Variants in SLC4A5 observed in about 807,000 individuals in gnomAD.
The protein encoded by SLC4A5 is solute carrier family 4 member 5, also known as electrogenic sodium bicarbonate cotransporter 4.
In SLC4A5, 96 loss-of-function variants were observed where a neutral mutation model predicts 120.4. That is an observed-to-expected ratio of 0.80 (90% confidence interval 0.68 to 0.94). The LOEUF is 0.94. SLC4A5 is among the 40% of genes least tolerant of loss of function. The pLI is 0.00. For missense variants in SLC4A5, 1,259 were observed against 1,459.5 expected (o/e 0.86, Z 2.24); for synonymous variants, 550 against 571.1 (o/e 0.96, Z 0.53).
intron 7 of SLC4A5, among the ~76,000 whole-genome samples, chr2:74,300,127 C>T (rs537590311): frequency 1.5e-4 from 23 of 152,290 alleles, no homozygotes; most frequent in Admixed American, 1.4e-3. Context: ...AGAACTATTG[C>T]ATGTTCTCAT....
intron 21 of SLC4A5, 46 bp from the exon 22 acceptor site, chr2:74,235,260 A>G (rs759530057): frequency 6.7e-7 from 1 of 1,485,322 alleles, no homozygotes; most frequent in East Asian, 2.3e-5. Context: ...TAAAGCACCC[A>G]CCCAGCTCCA....
intron 19 of SLC4A5, among the ~76,000 whole-genome samples, chr2:74,243,845 G>C (rs1189420107): frequency 1.3e-5 from 2 of 152,218 alleles, no homozygotes; most frequent in Non-Finnish European, 2.9e-5. Context: ...TAAAATTCCA[G>C]TGTTTACAAA....
At chr2:74,223,007 C>CTTTTTTT in intron 28 of SLC4A5, 55 bp from the exon 29 acceptor site, 1 of 920,802 alleles carries the variant, frequency 1.1e-6, no homozygotes, top group Non-Finnish European at 1.6e-6. Flanking sequence ...ATTTGGCTTT[C>CTTTTTTT]TTTTTTTTTT....
At chr2:74,309,656 A>AT (rs201372695) in intron 6 of SLC4A5, among the ~76,000 whole-genome samples, 2,209 of 141,666 alleles carry the variant, frequency 0.016, 47 homozygotes, top group African/African-American at 0.046. Context: ...TGAACATGAA[A>AT]TTTTTTTTTT....
rs1247440969 is a variant in SLC4A5 at position 74,285,916 on chromosome 2, G to A, written c.272-14C>T. ...CAGCTGGGGACCCTGCAAAAGAGGGGCAGCAGGTCTGCTGAGTGTCCCATG... is the reference window on the plus strand; with the variant it reads ...CAGCTGGGGACCCTGCAAAAGAGGGACAGCAGGTCTGCTGAGTGTCCCATG... On this transcript the variant is annotated splice_polypyrimidine_tract_variant and intron_variant, in intron 7 of 30. Transcript: ENST00000394019. 1 of 1,580,650 alleles carries A rather than the reference G, an allele frequency of 6.3e-7. No homozygotes were observed. Among genetic ancestry groups the A allele is most frequent in the Admixed American group, 1.8e-5 (1 of 55,112 alleles).
chr2:74,274,023 G>C (rs1671560279), intron 8 of SLC4A5, among the ~76,000 whole-genome samples: 2 of 152,242 alleles, frequency 1.3e-5, no homozygotes, highest in South Asian at 4.1e-4. Context: ...AGATTAGCCA[G>C]GCGTGGTTGT....
intron 6 of SLC4A5, among the ~76,000 whole-genome samples, chr2:74,308,267 G>C (rs72903259): frequency 0.033 from 4,951 of 152,242 alleles, 280 homozygotes; most frequent in African/African-American, 0.11. Flanking sequence ...TGGTTCGGAC[G>C]ACAAGACTAT....
intron 15 of SLC4A5, 58 bp downstream of exon 15, chr2:74,252,913 AATG>A: frequency 1.9e-6 from 3 of 1,578,506 alleles, no homozygotes; most frequent in Non-Finnish European, 2.6e-6. Context: ...AGAGAAATAA[AATG>A]ATACCGACAG....
chr2:74,255,994 C>G lies in SLC4A5; in HGVS notation c.868-62G>C. The G allele has an allele frequency of 6.4e-7, 1 of 1,573,502 alleles. No individual in the cohort carries two copies. The highest frequency in any genetic ancestry group is 1.7e-5 in the Admixed American group (1 of 57,452). ...TCCCACCTGCTCTCACTCCCTCACTCCCCTTCAGACTGCTTTGAGGCCTAA... is the reference window on the plus strand; with the variant it reads ...TCCCACCTGCTCTCACTCCCTCACTGCCCTTCAGACTGCTTTGAGGCCTAA... On this transcript the variant is annotated intron_variant, in intron 12 of 30. Coordinates refer to ENST00000394019, the Ensembl canonical transcript of SLC4A5. The surrounding 1 kb of genome is among the most constrained non-coding windows in gnomAD (Gnocchi z 4.0).
Position 74,266,624 on chromosome 2 carries a change from G to C in SLC4A5, c.402-1360C>G, listed in dbSNP as rs562423968. ...TTAAAAGACAACCAACCTAAAAATA[G>C]AAAGTTAAATCCCTACTTTTCACCA... On this transcript the variant is annotated intron_variant, in intron 8 of 30. Transcript: ENST00000394019. 1.3e-5 allele frequency among the ~76,000 whole-genome samples: 2 copies of C among 152,228 alleles called. 1 individual carries two copies. The highest frequency in any genetic ancestry group is 3.9e-4 in the East Asian group (2 of 5,182).
At chr2:74,316,576 T>C (rs1672972296) in intron 5 of SLC4A5, among the ~76,000 whole-genome samples, 1 of 152,248 alleles carries the variant, frequency 6.6e-6, no homozygotes, top group South Asian at 2.1e-4. Context: ...TTTATGGCAA[T>C]AAGGTACCAA....
rs529432697 is a variant in SLC4A5 at position 74,336,540 on chromosome 2, T to C, written c.-221+2315A>G. On this transcript the variant is annotated intron_variant, in intron 3 of 30. Coordinates refer to ENST00000394019, the Ensembl canonical transcript of SLC4A5. ...TGAGTATTAAATGAGGTAACATACATGAAACATTGAGAGCAGTGCTTGGCA... is the reference window on the plus strand; with the variant it reads ...TGAGTATTAAATGAGGTAACATACACGAAACATTGAGAGCAGTGCTTGGCA... Among the ~76,000 whole-genome samples the C allele has an allele frequency of 1.8e-4, 27 of 152,276 alleles. No individual in the cohort carries two copies. In the South Asian group the frequency reaches 5.0e-3, roughly 28 times the overall value.
In SLC4A5 at chr2:74,255,936, G is replaced by C; in HGVS notation, c.868-4C>G. 1 of 1,613,092 alleles carries C rather than the reference G, an allele frequency of 6.2e-7. No individual in the cohort carries two copies. Among genetic ancestry groups the C allele is most frequent in the Non-Finnish European group, 8.5e-7 (1 of 1,179,158 alleles). On this transcript the variant is annotated splice_polypyrimidine_tract_variant and splice_region_variant and intron_variant, in intron 12 of 30. Coordinates refer to ENST00000394019, the Ensembl canonical transcript of SLC4A5. This position sits in a 1 kb window ranked among gnomAD's most constrained non-coding sequence, Gnocchi z 4.0. ...TCTTCATGAATTTGTTTTTCCGCTG[G>C]ACAGGGAGGGGAAACGAGATAGCCA...
At chr2:74,329,177 T>G (rs1339615993) in intron 4 of SLC4A5, among the ~76,000 whole-genome samples, 1 of 152,138 alleles carries the variant, frequency 6.6e-6, no homozygotes, top group African/African-American at 2.4e-5. Flanking sequence ...GCAATGTAGA[T>G]GAAGGTGTAA....
In SLC4A5 at chr2:74,333,784, C is replaced by G. The variant is rs193163915; in HGVS notation, c.-70+243G>C. 1.1e-4 allele frequency among the ~76,000 whole-genome samples: 17 copies of G among 152,308 alleles called. No individual in the cohort carries two copies. The East Asian group carries it at 3.3e-3, about 29-fold the overall frequency. ...CTCACTGGGACGGATTCCCTTCCAT[C>G]TCCTGGCTAAATGCCATCTGAACCC... On this transcript the variant is annotated intron_variant, in intron 4 of 30. Coordinates refer to ENST00000394019, the Ensembl canonical transcript of SLC4A5.
intron 6 of SLC4A5, among the ~76,000 whole-genome samples, chr2:74,313,481 G>C (rs116608393): frequency 0.012 from 1,800 of 152,298 alleles, 45 homozygotes; most frequent in African/African-American, 0.041. Context: ...CTAGGGGTCA[G>C]GTTACTTGGA....
intron 7 of SLC4A5, among the ~76,000 whole-genome samples, chr2:74,302,249 A>C (rs1455287252): frequency 2.0e-5 from 3 of 152,164 alleles, no homozygotes; most frequent in Admixed American, 1.3e-4. Context: ...CCTGTCGGGA[A>C]CAAGCCAGTA....
At chr2:74,264,103 T>C in intron 10 of SLC4A5, 44 bp downstream of exon 10, 2 of 1,590,510 alleles carry the variant, frequency 1.3e-6, no homozygotes, top group East Asian at 2.2e-5. Flanking sequence ...GGCCTGATAC[T>C]GGCCCTGCAT....
chr2:74,264,688 C>A (rs1007920268), intron 9 of SLC4A5, among the ~76,000 whole-genome samples: 4 of 152,108 alleles, frequency 2.6e-5, no homozygotes, highest in African/African-American at 9.7e-5. Context: ...TGTGCTAGAA[C>A]AAAACTCACA....
Sources: gnomAD v4.1 joint callset for allele counts (sites outside exome capture counted in the v4.1 genomes callset) on GRCh38, gnomAD v4.1.1 for gene constraint, Gnocchi (gnomAD v3.1) non-coding constraint, MANE v1.5 for transcripts, NCBI Gene and HGNC (gene_info 2026-07-23, HGNC 2026-07-21) for gene names.